The following SLC35F1 variants were observed in gnomAD, a reference collection of about 807,000 sequenced individuals.
SLC35F1 encodes chromosome 6 open reading frame 169.
A neutral mutation model predicts 48.7 loss-of-function variants in SLC35F1; 14 were observed. The observed-to-expected ratio is 0.29, with a 90% CI of 0.19 to 0.45. SLC35F1 has a LOEUF of 0.45. Ranked by LOEUF, SLC35F1 falls within the 20% of genes least tolerant of loss-of-function variation. The pLI is 1.00. For missense variants in SLC35F1, 404 were observed against 500.0 expected (o/e 0.81, Z 1.83); for synonymous variants, 190 against 202.2 (o/e 0.94, Z 0.51).
At chr6:118,253,728 C>A (rs1267226675) in intron 3 of SLC35F1, among the ~76,000 whole-genome samples, 1 of 152,000 alleles carries the variant, frequency 6.6e-6, no homozygotes, top group African/African-American at 2.4e-5. Context: ...GCAATGCCAA[C>A]TACTGCAGAG....
chr6:117,955,292 A>AT (rs1298178074), intron 1 of SLC35F1, among the ~76,000 whole-genome samples: 1 of 152,240 alleles, frequency 6.6e-6, no homozygotes, highest in Non-Finnish European at 1.5e-5. Flanking sequence ...CTTAAACTGC[A>AT]TTTTTAATAC....
intron 7 of SLC35F1, among the ~76,000 whole-genome samples, chr6:118,291,780 G>A (rs1630266): frequency 0.078 from 11,934 of 152,186 alleles, 488 homozygotes; most frequent in Middle Eastern, 0.14. Flanking sequence ...GAAATGTTGT[G>A]TGGAAAAGGG....
intron 1 of SLC35F1, among the ~76,000 whole-genome samples, chr6:117,938,830 C>G (rs1201258387): frequency 6.6e-6 from 1 of 152,098 alleles, no homozygotes; most frequent in African/African-American, 2.4e-5. Flanking sequence ...TGCCAGCTTA[C>G]TGAATGCTAT....
At chr6:118,127,331 C>T (rs1311369366) in intron 1 of SLC35F1, among the ~76,000 whole-genome samples, 1 of 152,014 alleles carries the variant, frequency 6.6e-6, no homozygotes, top group East Asian at 1.9e-4. Context: ...GGGATGAAGC[C>T]CACTTAATCA....
At chr6:118,061,845 A>G (rs911591060) in intron 1 of SLC35F1, among the ~76,000 whole-genome samples, 7 of 152,076 alleles carry the variant, frequency 4.6e-5, no homozygotes, top group African/African-American at 1.7e-4. Context: ...TGCGCAGTTC[A>G]CAATAGAGTC....
At chr6:118,275,160 T>G (rs908668820) in intron 4 of SLC35F1, among the ~76,000 whole-genome samples, 2 of 152,108 alleles carry the variant, frequency 1.3e-5, no homozygotes, top group Non-Finnish European at 2.9e-5. Flanking sequence ...ATAAATCTGA[T>G]AAGTGAAAAT....
At chr6:118,047,703 A>C (rs1772320137) in intron 1 of SLC35F1, among the ~76,000 whole-genome samples, 1 of 152,166 alleles carries the variant, frequency 6.6e-6, no homozygotes, top group African/African-American at 2.4e-5. Flanking sequence ...TCAAAATTTA[A>C]AACTGGCTCT....
intron 1 of SLC35F1, among the ~76,000 whole-genome samples, chr6:117,974,625 C>T (rs890378723): frequency 6.6e-6 from 1 of 152,168 alleles, no homozygotes; most frequent in Admixed American, 6.5e-5. Context: ...CTCATTTACA[C>T]TCTTTAAAAT....
intron 1 of SLC35F1, among the ~76,000 whole-genome samples, chr6:117,921,686 G>T (rs1351021830): frequency 2.0e-5 from 3 of 152,124 alleles, no homozygotes. Flanking sequence ...CAACTCTTAG[G>T]CTGATAAATG....
chr6:118,193,416 C>G (rs1774758783), intron 2 of SLC35F1, among the ~76,000 whole-genome samples: 1 of 152,148 alleles, frequency 6.6e-6, no homozygotes, highest in Admixed American at 6.5e-5. Context: ...AGTGTCCACA[C>G]AGAATTTCTT....
intron 1 of SLC35F1, among the ~76,000 whole-genome samples, chr6:117,940,633 T>A (rs1326954724): frequency 1.3e-5 from 2 of 152,030 alleles, no homozygotes; most frequent in African/African-American, 4.8e-5. Flanking sequence ...GATGTGCTTT[T>A]TTTTCTCCTT....
intron 2 of SLC35F1, among the ~76,000 whole-genome samples, chr6:118,177,611 T>C (rs1032909059): frequency 1.3e-5 from 2 of 152,096 alleles, no homozygotes; most frequent in African/African-American, 4.8e-5. Context: ...GCCTCTTCTA[T>C]GTATTGGCCT....
In SLC35F1 at chr6:118,316,399, C is replaced by T. The variant is rs1472911742; in HGVS notation, c.*2147C>T. 2 of 152,592 alleles carry T rather than the reference C, an allele frequency of 1.3e-5. No homozygotes were observed. The highest frequency in any genetic ancestry group is 2.4e-5 in the African/African-American group (1 of 41,444). 9.5% of individuals were successfully genotyped at this position (152,592 alleles called of 1,614,324 possible). On this transcript the variant is annotated 3_prime_UTR_variant, in exon 8 of 8. Coordinates refer to ENST00000360388, the MANE Select transcript of SLC35F1 (RefSeq NM_001029858.4). Reference sequence around the variant, plus strand: ...GCTACCTTTTAAACCAATTAAATACCTTTCTCTGAATATTTTGTCCATTCA... The same window carrying T: ...GCTACCTTTTAAACCAATTAAATACTTTTCTCTGAATATTTTGTCCATTCA...
At chr6:118,117,048 T>C (rs1219787237) in intron 1 of SLC35F1, among the ~76,000 whole-genome samples, 1 of 152,182 alleles carries the variant, frequency 6.6e-6, no homozygotes, top group African/African-American at 2.4e-5. Flanking sequence ...ACTTTGTACA[T>C]ATACAAACCC....
At chr6:117,976,406 A>G (rs1776706359) in intron 1 of SLC35F1, among the ~76,000 whole-genome samples, 1 of 152,218 alleles carries the variant, frequency 6.6e-6, no homozygotes, top group African/African-American at 2.4e-5. Flanking sequence ...AAAACAAATA[A>G]CATAGTTGGA....
chr6:117,957,026 G>A (rs908069980), intron 1 of SLC35F1, among the ~76,000 whole-genome samples: 1 of 152,142 alleles, frequency 6.6e-6, no homozygotes, highest in African/African-American at 2.4e-5. Context: ...TCCTGGCCCT[G>A]GGAGGGTGCT....
chr6:118,188,742 G>A (rs1264629727), intron 2 of SLC35F1, among the ~76,000 whole-genome samples: 2 of 151,972 alleles, frequency 1.3e-5, no homozygotes, highest in African/African-American at 2.4e-5. Context: ...CACTTACGTT[G>A]TTTCCATATC....
At chr6:117,987,108 G>A (rs1776857532) in intron 1 of SLC35F1, among the ~76,000 whole-genome samples, 1 of 152,136 alleles carries the variant, frequency 6.6e-6, no homozygotes, top group African/African-American at 2.4e-5. Flanking sequence ...TTCTCAATTT[G>A]TTTGCCTCTG....
intron 1 of SLC35F1, among the ~76,000 whole-genome samples, chr6:117,961,709 A>G (rs1374163698): frequency 6.6e-6 from 1 of 152,182 alleles, no homozygotes; most frequent in Non-Finnish European, 1.5e-5. Context: ...TAGATATACA[A>G]TCCAACATAT....
Sources: gnomAD v4.1 joint callset for allele counts (sites outside exome capture counted in the v4.1 genomes callset) on GRCh38, gnomAD v4.1.1 for gene constraint, MANE v1.5 for transcripts, NCBI Gene and HGNC (gene_info 2026-07-23, HGNC 2026-07-21) for gene names.